Variants in LRRC4C observed in about 807,000 individuals in gnomAD.
LRRC4C encodes the protein leucine-rich repeat-containing protein 4C.
LRRC4C carries 5 observed loss-of-function variants against 33.6 expected under a neutral mutation model. The ratio of observed to expected loss-of-function variants is 0.15; its 90% CI spans 0.08 to 0.31. The LOEUF (loss-of-function observed/expected upper bound fraction) is 0.31, where lower values mean the gene tolerates loss of function less well. Ranked by LOEUF, LRRC4C falls within the 10% of genes least tolerant of loss-of-function variation. The probability of loss-of-function intolerance (pLI) is 1.00; values close to 1 mark genes in which losing one functional copy is unlikely to be tolerated. For missense variants in LRRC4C, 560 were observed against 796.7 expected, an observed-to-expected ratio of 0.70 and a Z score of 3.58; for synonymous variants, 329 against 302.0, an observed-to-expected ratio of 1.09 and a Z score of -0.93.
intron 3 of LRRC4C, among the ~76,000 whole-genome samples, chr11:40,626,164 GTCTCCTTCTGTCCCTCGAAATTGTTC>G (rs1962908685): frequency 6.6e-6 from 1 of 151,990 alleles, no homozygotes; most frequent in South Asian, 2.1e-4. Context: ...AAACACAGTA[GTCTCCTTCTGTCCCTCGAAATTGTTC>G]TTTCCTCTGC....
Position 40,673,964 on chromosome 11 carries a change from G to T in LRRC4C, c.-406-25686C>A, listed in dbSNP as rs546413991. On this transcript the variant is annotated intron_variant, in intron 2 of 6. Coordinates refer to ENST00000528697, the MANE Select transcript of LRRC4C (RefSeq NM_001258419.2). ...CGCTTTCTTGAGTGTAATCTGATAG[G>T]TTTCTCTCTTTCTTCCCCAGCAGTT... is the stretch of plus-strand genomic sequence containing the variant. 2.6e-5 allele frequency among the ~76,000 whole-genome samples: 4 copies of T among 152,170 alleles called. No homozygotes were observed. In the East Asian group the frequency reaches 7.7e-4, roughly 29 times the overall value.
At chr11:40,511,579 C>T (rs1181339030) in intron 3 of LRRC4C, among the ~76,000 whole-genome samples, 1 of 152,098 alleles carries the variant, frequency 6.6e-6, no homozygotes, top group Non-Finnish European at 1.5e-5. Context: ...AGCACAGTGC[C>T]TGGCTTGATA....
At position 41,123,266 on chromosome 11, in the gene LRRC4C, T is replaced by G. The variant is rs1455654673; in HGVS notation, c.-495-189543A>C. Among the ~76,000 whole-genome samples, 5 of 45,820 alleles carry G rather than the reference T, an allele frequency of 1.1e-4. No individual in the cohort carries two copies. In the South Asian group the frequency reaches 2.5e-3, roughly 23 times the overall value. 30.1% of individuals were successfully genotyped at this position (45,820 alleles called of 152,430 possible). On this transcript the variant is annotated intron_variant, in intron 1 of 6. Coordinates refer to ENST00000528697, the MANE Select transcript of LRRC4C (RefSeq NM_001258419.2). ...TCTATCCTGAGCTATGTTTTGTTTT[T>G]TTTTTTTTTTTTTTTTTTTTTTTTG...
chr11:41,006,047 A>C (rs1854729657), intron 1 of LRRC4C, among the ~76,000 whole-genome samples: 1 of 152,094 alleles, frequency 6.6e-6, no homozygotes, highest in African/African-American at 2.4e-5. Context: ...TATCTTAGCC[A>C]GAAAATTTTG....
At chr11:41,212,629 T>C (rs2136323926) in intron 1 of LRRC4C, among the ~76,000 whole-genome samples, 1 of 151,834 alleles carries the variant, frequency 6.6e-6, no homozygotes, top group East Asian at 2.0e-4. Flanking sequence ...GTTCTCACCA[T>C]TCAGCTCCCA....
intron 2 of LRRC4C, among the ~76,000 whole-genome samples, chr11:40,924,088 G>A (rs916705230): frequency 2.8e-5 from 4 of 143,078 alleles, no homozygotes; most frequent in East Asian, 4.1e-4. Flanking sequence ...GTGTATATAT[G>A]TGTGTGTGTG....
intron 1 of LRRC4C, among the ~76,000 whole-genome samples, chr11:41,088,378 A>G (rs1311522394): frequency 6.6e-6 from 1 of 152,114 alleles, no homozygotes; most frequent in East Asian, 1.9e-4. Context: ...GATTGTATGT[A>G]ATATGTCTAA....
At chr11:41,137,474 A>T (rs1943316508) in intron 1 of LRRC4C, among the ~76,000 whole-genome samples, 1 of 152,146 alleles carries the variant, frequency 6.6e-6, no homozygotes, top group Non-Finnish European at 1.5e-5. Flanking sequence ...TGGTATGAAA[A>T]CTGTTTTCTC....
intron 2 of LRRC4C, among the ~76,000 whole-genome samples, chr11:40,683,956 C>G (rs1372756030): frequency 6.6e-6 from 1 of 152,152 alleles, no homozygotes; most frequent in Non-Finnish European, 1.5e-5. Context: ...TAGCATAAAT[C>G]TATGCCAACT....
rs759949098 is a variant in LRRC4C, at chr11:41,022,460, G to A, written c.-495-88737C>T. 1.4e-4 allele frequency among the ~76,000 whole-genome samples: 22 copies of A among 151,836 alleles called. 1 individual carries two copies. Among genetic ancestry groups the A allele is most frequent in the Admixed American group, 6.6e-5 (1 of 15,196 alleles). ...TTGAGCTAGCTGGACTATGTGTTTC[G>A]AGGGCTACAGAAAGGTCCATGATGG... On this transcript the variant is annotated intron_variant, in intron 1 of 6. Coordinates refer to ENST00000528697, the MANE Select transcript of LRRC4C (RefSeq NM_001258419.2).
chr11:41,394,189 T>G (rs969290014), intron 1 of LRRC4C, among the ~76,000 whole-genome samples: 1 of 151,944 alleles, frequency 6.6e-6, no homozygotes, highest in Non-Finnish European at 1.5e-5. Flanking sequence ...TAGTGGCTAT[T>G]GTGGATTAGA....
intron 3 of LRRC4C, among the ~76,000 whole-genome samples, chr11:40,557,983 G>A (rs7945461): frequency 0.56 from 85,492 of 151,916 alleles, 24,433 homozygotes; most frequent in East Asian, 0.79. Context: ...AATTAAATCC[G>A]CAGAGTATAC....
At chr11:40,161,824 C>G (rs970243454) in intron 5 of LRRC4C, among the ~76,000 whole-genome samples, 4 of 152,094 alleles carry the variant, frequency 2.6e-5, no homozygotes, top group African/African-American at 9.7e-5. Context: ...GTGTATAAAT[C>G]TGTGCTGAAC....
chr11:41,455,195 T>C (rs1956139479), intron 1 of LRRC4C, among the ~76,000 whole-genome samples: 1 of 152,122 alleles, frequency 6.6e-6, no homozygotes, highest in Admixed American at 6.6e-5. Context: ...TTATTATAAA[T>C]GTATATTTTA....
intron 3 of LRRC4C, among the ~76,000 whole-genome samples, chr11:40,419,864 A>G (rs1488781052): frequency 6.6e-6 from 1 of 152,218 alleles, no homozygotes; most frequent in East Asian, 1.9e-4. Flanking sequence ...TGTTCCTTAC[A>G]GGAAGTGAGC....
intron 1 of LRRC4C, among the ~76,000 whole-genome samples, chr11:41,034,006 T>C (rs770421266): frequency 1.3e-5 from 2 of 152,048 alleles, no homozygotes. Context: ...TTGATAGGTA[T>C]TTATTTCTAT....
chr11:40,544,129 G>T (rs1281384364), intron 3 of LRRC4C, among the ~76,000 whole-genome samples: 2 of 152,012 alleles, frequency 1.3e-5, no homozygotes, highest in Non-Finnish European at 1.5e-5. Flanking sequence ...TTCCACAAGA[G>T]GCTAAATTAG....
At chr11:40,631,380 T>C (rs754932646) in intron 3 of LRRC4C, among the ~76,000 whole-genome samples, 30 of 152,138 alleles carry the variant, frequency 2.0e-4, no homozygotes, top group Non-Finnish European at 4.4e-5. Flanking sequence ...GCCCCAGTAA[T>C]TGCCAGATAT....
At chr11:40,224,515 A>G (rs1456298570) in intron 5 of LRRC4C, among the ~76,000 whole-genome samples, 2 of 152,228 alleles carry the variant, frequency 1.3e-5, no homozygotes, top group African/African-American at 4.8e-5. Flanking sequence ...CAAAGATCAC[A>G]ATCTTTAGAC....
Sources: allele counts gnomAD v4.1 joint callset (sites outside exome capture counted in the v4.1 genomes callset), GRCh38; gene constraint gnomAD v4.1.1; transcripts MANE v1.5; gene names NCBI Gene and HGNC (gene_info 2026-07-23, HGNC 2026-07-21).